The following FIG4 variants were observed in gnomAD, a reference collection of about 807,000 sequenced individuals.
The protein encoded by FIG4 is FIG4 phosphoinositide 5-phosphatase.
A neutral mutation model predicts 118.6 loss-of-function variants in FIG4; 112 were observed. The observed-to-expected ratio is 0.94, with a 90% CI of 0.81 to 1.11. The LOEUF is 1.11. FIG4 is among the 50% of genes least tolerant of loss of function. FIG4 has a pLI of 0.00. For missense variants in FIG4, 969 were observed against 1,111.7 expected (o/e 0.87, Z 1.83); for synonymous variants, 369 against 381.2 (o/e 0.97, Z 0.37).
chr6:109,821,629 G>A (rs9487226), intron 22 of FIG4, among the ~76,000 whole-genome samples: 67,454 of 151,962 alleles, frequency 0.44, 15,452 homozygotes, highest in East Asian at 0.72. Context: ...ATTGGCCTCA[G>A]TGACTGTTAA....
intron 4 of FIG4, among the ~76,000 whole-genome samples, chr6:109,729,601 A>G (rs745335015): frequency 9.9e-5 from 15 of 152,072 alleles, no homozygotes; most frequent in Non-Finnish European, 2.2e-4. Context: ...GAACTGATGA[A>G]AGAGTTCAGT....
intron 1 of FIG4, among the ~76,000 whole-genome samples, chr6:109,691,720 A>G (rs571965071): frequency 1.1e-4 from 17 of 152,292 alleles, no homozygotes; most frequent in African/African-American, 3.4e-4. Flanking sequence ...TTGCAGGTCC[A>G]CTTACAAGCC....
intron 16 of FIG4, among the ~76,000 whole-genome samples, chr6:109,781,034 G>C (rs1449833557): frequency 6.6e-6 from 1 of 152,156 alleles, no homozygotes; most frequent in Non-Finnish European, 1.5e-5. Context: ...TTCTTGGCCT[G>C]CCCCCTGTCT....
intron 20 of FIG4, among the ~76,000 whole-genome samples, chr6:109,792,072 A>G (rs1167542369): frequency 1.3e-5 from 2 of 152,268 alleles, no homozygotes; most frequent in African/African-American, 4.8e-5. Flanking sequence ...GGATAAGGCA[A>G]ATAAAAATGT....
intron 20 of FIG4, 140 bp from the exon 21 acceptor site, chr6:109,792,438 CTAAG>C (rs1282548611): frequency 3.3e-6 from 2 of 604,108 alleles, no homozygotes; most frequent in African/African-American, 3.8e-5. Flanking sequence ...AAACCATCAA[CTAAG>C]AAGTTTAATG....
intron 22 of FIG4, among the ~76,000 whole-genome samples, chr6:109,802,779 A>G (rs1388053466): frequency 1.3e-5 from 2 of 152,274 alleles, no homozygotes; most frequent in African/African-American, 4.8e-5. Flanking sequence ...CATAGTGGAT[A>G]AAATAAATGC....
At chr6:109,814,352 C>T (rs768295015) in intron 22 of FIG4, among the ~76,000 whole-genome samples, 10 of 151,798 alleles carry the variant, frequency 6.6e-5, no homozygotes, top group African/African-American at 2.2e-4. Context: ...ATATTGCCCA[C>T]GCTGATTTTG....
At chr6:109,712,943 G>A (rs1280652440) in intron 1 of FIG4, among the ~76,000 whole-genome samples, 2 of 151,940 alleles carry the variant, frequency 1.3e-5, no homozygotes, top group African/African-American at 2.4e-5. Context: ...TTAAGGGTTC[G>A]ATTGTGGGAT....
At position 109,786,463 on chromosome 6, in the gene FIG4, A is replaced by G. The variant is rs1777961045; in HGVS notation, c.2096+14A>G. ...AAGCTCAGCACGGTATGTTGTGTGTATTCTGATACCATAAGTATTTGAGAA... is the reference window on the plus strand; with the variant it reads ...AAGCTCAGCACGGTATGTTGTGTGTGTTCTGATACCATAAGTATTTGAGAA... On this transcript the variant is annotated intron_variant, in intron 18 of 22. Coordinates refer to ENST00000230124, the MANE Select transcript of FIG4 (RefSeq NM_014845.6). The G allele has an allele frequency of 1.2e-6, 2 of 1,613,220 alleles. No individual in the cohort carries two copies. Among genetic ancestry groups the G allele is most frequent in the Non-Finnish European group, 1.7e-6 (2 of 1,179,364 alleles).
intron 22 of FIG4, among the ~76,000 whole-genome samples, chr6:109,822,970 T>C (rs1165803549): frequency 6.6e-6 from 1 of 151,888 alleles, no homozygotes; most frequent in Non-Finnish European, 1.5e-5. Flanking sequence ...TTTTTTAATC[T>C]AGTGAATCTG....
intron 1 of FIG4, among the ~76,000 whole-genome samples, chr6:109,704,350 G>A (rs772751072): frequency 2.6e-5 from 4 of 152,046 alleles, no homozygotes; most frequent in Non-Finnish European, 5.9e-5. Context: ...CCAAGAAAAT[G>A]TATGTAAAAA....
intron 22 of FIG4, among the ~76,000 whole-genome samples, chr6:109,812,542 G>T (rs1276480915): frequency 1.3e-5 from 2 of 152,220 alleles, no homozygotes; most frequent in African/African-American, 4.8e-5. Flanking sequence ...AGAGGAGTTG[G>T]TTTCATGGGA....
At chr6:109,801,817 A>G (rs924116377) in intron 22 of FIG4, among the ~76,000 whole-genome samples, 2 of 152,224 alleles carry the variant, frequency 1.3e-5, no homozygotes, top group South Asian at 4.1e-4. Context: ...TCAATAACAC[A>G]TTCTTCACAT....
At chr6:109,720,430 T>G (rs901456267) in intron 3 of FIG4, among the ~76,000 whole-genome samples, 1 of 152,232 alleles carries the variant, frequency 6.6e-6, no homozygotes, top group Non-Finnish European at 1.5e-5. Context: ...GGAAAATATT[T>G]TTGGTGGAAT....
chr6:109,733,828 C>T (rs535328500), intron 5 of FIG4, among the ~76,000 whole-genome samples: 2 of 151,810 alleles, frequency 1.3e-5, no homozygotes, highest in East Asian at 1.9e-4. Context: ...TTAGAAATGG[C>T]CTTCTTCTTC....
At chr6:109,788,295 C>T (rs1397421845) in intron 18 of FIG4, among the ~76,000 whole-genome samples, 1 of 152,214 alleles carries the variant, frequency 6.6e-6, no homozygotes, top group Non-Finnish European at 1.5e-5. Flanking sequence ...TTATCTAACA[C>T]ACATGTTTTC....
chr6:109,807,892 G>C (rs1343770439), intron 22 of FIG4, among the ~76,000 whole-genome samples: 2 of 152,142 alleles, frequency 1.3e-5, no homozygotes, highest in Non-Finnish European at 2.9e-5. Context: ...TGTTTTGTCA[G>C]ATTTGTCAAA....
intron 3 of FIG4, among the ~76,000 whole-genome samples, chr6:109,725,695 G>T (rs1177401145): frequency 6.6e-6 from 1 of 152,120 alleles, no homozygotes; most frequent in African/African-American, 2.4e-5. Flanking sequence ...CTTCCACAAT[G>T]GTTGAACTAA....
chr6:109,783,188 T>C (rs961624840), intron 16 of FIG4, among the ~76,000 whole-genome samples: 2 of 152,210 alleles, frequency 1.3e-5, no homozygotes, highest in African/African-American at 4.8e-5. Context: ...GGTGATGGGA[T>C]GATCTGTGCA....
Sources: allele counts gnomAD v4.1 joint callset (sites outside exome capture counted in the v4.1 genomes callset), GRCh38; gene constraint gnomAD v4.1.1; transcripts MANE v1.5; gene names NCBI Gene and HGNC (gene_info 2026-07-23, HGNC 2026-07-21).